Variants in SLC31A1 observed in about 807,000 individuals in gnomAD.
SLC31A1 encodes high affinity copper uptake protein 1.
Under a neutral mutation model 17.2 loss-of-function variants are expected in SLC31A1, and 5 were observed. That is an observed-to-expected ratio of 0.29 (90% confidence interval 0.15 to 0.61). The LOEUF is 0.61. Among genes scored for constraint, SLC31A1 ranks in the 20% least tolerant of loss-of-function variants. The pLI, the probability that SLC31A1 is intolerant of heterozygous loss-of-function variation, is 0.86. For missense variants in SLC31A1, 161 were observed against 241.4 expected, an observed-to-expected ratio of 0.67 and a Z score of 2.21; for synonymous variants, 76 against 78.8, an observed-to-expected ratio of 0.96 and a Z score of 0.19.
At chr9:113,245,049 G>A (rs1396013476) in intron 1 of SLC31A1, among the ~76,000 whole-genome samples, 1 of 152,044 alleles carries the variant, frequency 6.6e-6, no homozygotes, top group Non-Finnish European at 1.5e-5. Context: ...AGTTCTGGCC[G>A]AGACCCATAG....
intron 1 of SLC31A1, among the ~76,000 whole-genome samples, chr9:113,245,715 T>C (rs975276189): frequency 1.3e-5 from 2 of 151,752 alleles, no homozygotes; most frequent in African/African-American, 2.4e-5. Context: ...ACTGCAGCCA[T>C]GACCTCCCAA....
intron 1 of SLC31A1, among the ~76,000 whole-genome samples, chr9:113,226,150 AG>A (rs1831340143): frequency 6.7e-6 from 1 of 149,698 alleles, no homozygotes; most frequent in Non-Finnish European, 1.5e-5. Flanking sequence ...AAAAAAAAAA[AG>A]AAATAAAGAA....
intron 1 of SLC31A1, among the ~76,000 whole-genome samples, chr9:113,251,586 C>G (rs1220653585): frequency 6.6e-6 from 1 of 152,124 alleles, no homozygotes; most frequent in Non-Finnish European, 1.5e-5. Flanking sequence ...TAGTTTACCT[C>G]CTGTAAGTTG....
chr9:113,223,011 C>T (rs1255636532), intron 1 of SLC31A1, among the ~76,000 whole-genome samples: 1 of 152,054 alleles, frequency 6.6e-6, no homozygotes, highest in Non-Finnish European at 1.5e-5. Flanking sequence ...AAAGCAGTCT[C>T]ACTGCAGAAT....
chr9:113,261,102 A>G lies in SLC31A1; in HGVS notation c.*629A>G, dbSNP rs1049474109. 1 of 157,514 alleles carries G rather than the reference A, an allele frequency of 6.3e-6. No homozygotes were observed. The highest frequency in any genetic ancestry group is 2.4e-5 in the African/African-American group (1 of 41,490). 9.8% of individuals were successfully genotyped at this position (157,514 alleles called of 1,614,324 possible). ...CATGGGGAAACCCCGTCTCTACTAA[A>G]AATACAAAAATTAGCCGGGCATGGT... On this transcript the variant is annotated 3_prime_UTR_variant, in exon 5 of 5. Transcript: ENST00000374212.
chr9:113,255,983 G>A (rs1385436171), intron 1 of SLC31A1, 131 bp from the exon 2 acceptor site: 6 of 631,386 alleles, frequency 9.5e-6, no homozygotes, highest in Non-Finnish European at 1.6e-5. Context: ...GATCAGTAGT[G>A]GGATCATGCC....
At position 113,256,203 on chromosome 9, in the gene SLC31A1, CA is replaced by C; in HGVS notation, c.57del (p.Gln19HisfsTer22). ...MSYMDSNSTM[Q>X]PSHHHPTTSA... is the part of the protein sequence containing the mutation. ...CTATATGGACTCCAACAGTACCATGCAACCTTCTCACCATCACCCAACCACT... is the reference window on the plus strand; with the variant it reads ...CTATATGGACTCCAACAGTACCATGCACCTTCTCACCATCACCCAACCACT... On this transcript the variant is annotated frameshift_variant, in exon 2 of 5. Coordinates refer to ENST00000374212, the MANE Select transcript of SLC31A1 (RefSeq NM_001859.4). LOFTEE classifies it high-confidence loss of function. 6.2e-7 allele frequency: 1 copy of C among 1,613,282 alleles called. No homozygotes were observed. Among genetic ancestry groups the C allele is most frequent in the Non-Finnish European group, 8.5e-7 (1 of 1,179,990 alleles).
chr9:113,230,359 A>G (rs1011553596), intron 1 of SLC31A1, among the ~76,000 whole-genome samples: 1 of 152,144 alleles, frequency 6.6e-6, no homozygotes, highest in Non-Finnish European at 1.5e-5. Flanking sequence ...AAAGTAGTAC[A>G]AAAGTAGATC....
At chr9:113,238,019 C>T (rs1382086165) in intron 1 of SLC31A1, among the ~76,000 whole-genome samples, 1 of 152,162 alleles carries the variant, frequency 6.6e-6, no homozygotes, top group Non-Finnish European at 1.5e-5. Context: ...AATAATAAGG[C>T]TTTTACATAT....
chr9:113,241,969 C>T (rs1831525796), intron 1 of SLC31A1, among the ~76,000 whole-genome samples: 1 of 152,180 alleles, frequency 6.6e-6, no homozygotes, highest in African/African-American at 2.4e-5. Flanking sequence ...ACTAGAGGAT[C>T]ACGAGGTCAG....
chr9:113,242,987 A>T (rs1831537767), intron 1 of SLC31A1, among the ~76,000 whole-genome samples: 1 of 152,140 alleles, frequency 6.6e-6, no homozygotes, highest in Non-Finnish European at 1.5e-5. Flanking sequence ...TGGCGAGAAA[A>T]TGTAAATGTT....
At chr9:113,222,487 T>C (rs1831292870) in intron 1 of SLC31A1, among the ~76,000 whole-genome samples, 1 of 152,204 alleles carries the variant, frequency 6.6e-6, no homozygotes, top group Non-Finnish European at 1.5e-5. Flanking sequence ...AGTCCTGGCT[T>C]AGACAAGGTG....
At chr9:113,229,231 A>G (rs1251749166) in intron 1 of SLC31A1, among the ~76,000 whole-genome samples, 2 of 152,214 alleles carry the variant, frequency 1.3e-5, no homozygotes, top group Non-Finnish European at 2.9e-5. Context: ...AAAGTATTTC[A>G]TTTACTCCTA....
chr9:113,248,391 C>T (rs1379292963), intron 1 of SLC31A1, among the ~76,000 whole-genome samples: 1 of 150,822 alleles, frequency 6.6e-6, no homozygotes, highest in African/African-American at 2.4e-5. Context: ...ATGAACTATT[C>T]ACATGAGTGT....
intron 1 of SLC31A1, among the ~76,000 whole-genome samples, chr9:113,240,089 C>G (rs541073982): frequency 3.9e-5 from 6 of 152,192 alleles, no homozygotes; most frequent in African/African-American, 1.2e-4. Context: ...TCCTCTCTTT[C>G]GCTTCCCACC....
chr9:113,262,287 A>AC lies in SLC31A1; in HGVS notation c.*1818dup, dbSNP rs1397154986. 1 of 152,466 alleles carries AC rather than the reference A, an allele frequency of 6.6e-6. No individual in the cohort carries two copies. The highest frequency in any genetic ancestry group is 2.4e-5 in the African/African-American group (1 of 41,378). The allele number at this position is 152,466 out of a possible 1,614,324, so 9.4% of individuals were successfully genotyped here. A position where few individuals can be genotyped will look rare whatever the true frequency, so the allele number is the denominator to read the frequency against. On this transcript the variant is annotated 3_prime_UTR_variant, in exon 5 of 5. Coordinates refer to ENST00000374212, the MANE Select transcript of SLC31A1 (RefSeq NM_001859.4). ...TTTAATTACATTACAAGTGGCCAAA[A>AC]CCCCTGTTCTCAGTGAAGAACCACA... is the stretch of plus-strand genomic sequence containing the variant.
rs34154634 is a variant in SLC31A1, at chr9:113,248,462, C to CTTTTTT, written c.-35-7633_-35-7628dup. ...GGCAGAAAGATACTTGAAAGCAGTC[C>CTTTTTT]TTTTTTTTTTTTTTTTTTTTTTTTG... On this transcript the variant is annotated intron_variant, in intron 1 of 4. Coordinates refer to ENST00000374212, the MANE Select transcript of SLC31A1 (RefSeq NM_001859.4). Among the ~76,000 whole-genome samples, 58 of 86,558 alleles carry CTTTTTT rather than the reference C, an allele frequency of 6.7e-4. 3 individuals carry two copies. Among genetic ancestry groups the CTTTTTT allele is most frequent in the African/African-American group, 2.6e-3 (53 of 20,724 alleles). 56.8% of individuals were successfully genotyped at this position (86,558 alleles called of 152,430 possible). A position where few individuals can be genotyped will look rare whatever the true frequency, so the allele number is the denominator to read the frequency against.
chr9:113,258,818 A>C lies in SLC31A1; in HGVS notation c.327A>C (p.Pro109=). The C allele has an allele frequency of 6.2e-7, 1 of 1,614,260 alleles. No individual in the cohort carries two copies. The highest frequency in any genetic ancestry group is 1.1e-5 in the South Asian group (1 of 91,086). The change falls in exon 4 of 5, where the codon CCA becomes CCC. Residue 109 remains proline (P), a synonymous_variant. Coordinates refer to ENST00000374212, the MANE Select transcript of SLC31A1 (RefSeq NM_001859.4). This position sits in a 1 kb window ranked among gnomAD's most constrained non-coding sequence, Gnocchi z 4.8. ...TTCGCTACAATTCCATGCCTGTCCC[A>C]GGACCAAATGGAACCATCCTTATGG... ...VSIRYNSMPV[P]GPNGTILMET...
intron 1 of SLC31A1, among the ~76,000 whole-genome samples, chr9:113,251,790 G>A (rs895918268): frequency 2.6e-5 from 4 of 152,068 alleles, no homozygotes; most frequent in East Asian, 1.9e-4. Context: ...GCATATTCCC[G>A]TGGGATCTTT....
Sources: gnomAD v4.1 joint callset for allele counts (sites outside exome capture counted in the v4.1 genomes callset) on GRCh38, gnomAD v4.1.1 for gene constraint, Gnocchi (gnomAD v3.1) non-coding constraint, MANE v1.5 for transcripts, NCBI Gene and HGNC (gene_info 2026-07-23, HGNC 2026-07-21) for gene names.